KBTBD8: variants seen among roughly 807,000 people sequenced by gnomAD.
KBTBD8 encodes the protein kelch repeat and BTB domain containing 8.
A neutral mutation model predicts 53.5 loss-of-function variants in KBTBD8; 31 were observed. That is an observed-to-expected ratio of 0.58 (90% confidence interval 0.44 to 0.78). KBTBD8 has a LOEUF of 0.78. Among genes scored for constraint, KBTBD8 ranks in the 30% least tolerant of loss-of-function variants. The pLI, the probability that KBTBD8 is intolerant of heterozygous loss-of-function variation, is 0.00. For missense variants in KBTBD8, 642 were observed against 735.8 expected, an observed-to-expected ratio of 0.87 and a Z score of 1.48; for synonymous variants, 250 against 247.3, an observed-to-expected ratio of 1.01 and a Z score of -0.10.
intron 1 of KBTBD8, 26 bp from the exon 2 acceptor site, chr3:66,998,955 T>C: frequency 6.5e-7 from 1 of 1,537,484 alleles, no homozygotes; most frequent in Admixed American, 1.9e-5. Context: ...GCACTTCTTG[T>C]AGTTGTACGA....
chr3:67,009,027 G>A lies in KBTBD8; in HGVS notation c.*642G>A, dbSNP rs1477262906. 4 of 152,572 alleles carry A rather than the reference G, an allele frequency of 2.6e-5. No individual in the cohort carries two copies. The highest frequency in any genetic ancestry group is 6.6e-5 in the Admixed American group (1 of 15,264). The allele number at this position is 152,572 out of a possible 1,614,324, so 9.5% of individuals were successfully genotyped here. A position where few individuals can be genotyped will look rare whatever the true frequency, so the allele number is the denominator to read the frequency against. ...TAAAGTTTTAAAGTGGCAGTTTTCT[G>A]TCGATGACTTTTTCAAGTGCTAACA... On this transcript the variant is annotated 3_prime_UTR_variant, in exon 4 of 4. Coordinates refer to ENST00000417314, the MANE Select transcript of KBTBD8 (RefSeq NM_032505.3).
rs937450093 is a variant in KBTBD8 at position 67,010,140 on chromosome 3, C to T, written c.*1755C>T. ...GTAATCTCTGTATAAACTTTGTCAACATTTTTACCTCCCCAGTTTTATCTT... is the reference window on the plus strand; with the variant it reads ...GTAATCTCTGTATAAACTTTGTCAATATTTTTACCTCCCCAGTTTTATCTT... On this transcript the variant is annotated 3_prime_UTR_variant, in exon 4 of 4. Coordinates refer to ENST00000417314, the MANE Select transcript of KBTBD8 (RefSeq NM_032505.3). The T allele has an allele frequency of 1.3e-5, 2 of 152,542 alleles. No individual in the cohort carries two copies. Among genetic ancestry groups the T allele is most frequent in the Non-Finnish European group, 1.5e-5 (1 of 67,978 alleles). The allele number at this position is 152,542 out of a possible 1,614,324, so 9.4% of individuals were successfully genotyped here. A position where few individuals can be genotyped will look rare whatever the true frequency, so the allele number is the denominator to read the frequency against.
Position 67,009,714 on chromosome 3 carries a change from T to C in KBTBD8, c.*1329T>C, listed in dbSNP as rs946095114. The C allele has an allele frequency of 5.9e-5, 9 of 152,708 alleles. No homozygotes were observed. Among genetic ancestry groups the C allele is most frequent in the African/African-American group, 2.2e-4 (9 of 41,574 alleles). 9.5% of individuals were successfully genotyped at this position (152,708 alleles called of 1,614,324 possible). A position where few individuals can be genotyped will look rare whatever the true frequency, so the allele number is the denominator to read the frequency against. On this transcript the variant is annotated 3_prime_UTR_variant, in exon 4 of 4. Coordinates refer to ENST00000417314, the MANE Select transcript of KBTBD8 (RefSeq NM_032505.3). The stretch of plus-strand genomic sequence containing the variant: ...CAATCATCAGTTAGGAATATTAACA[T>C]GAAGGATAAACCAACTTATTTGTAT...
chr3:67,000,118 C>T (rs1246620390), intron 2 of KBTBD8, among the ~76,000 whole-genome samples: 1 of 152,132 alleles, frequency 6.6e-6, no homozygotes, highest in Non-Finnish European at 1.5e-5. Flanking sequence ...AGGTGCTTAC[C>T]TTTATAGGGC....
intron 1 of KBTBD8, 109 bp downstream of exon 1, chr3:66,998,480 A>C: frequency 1.1e-6 from 1 of 879,824 alleles, no homozygotes; most frequent in Non-Finnish European, 1.6e-6. Context: ...GCTAGAGGGA[A>C]GGATGAAGCG....
chr3:67,006,600 A>G (rs1038734733), intron 3 of KBTBD8, among the ~76,000 whole-genome samples: 5 of 152,198 alleles, frequency 3.3e-5, no homozygotes, highest in African/African-American at 1.2e-4. Context: ...TGTGCGAGCA[A>G]ATCTGGGAGC....
At chr3:66,998,395 G>C in intron 1 of KBTBD8, 24 bp downstream of exon 1, 2 of 1,287,112 alleles carry the variant, frequency 1.6e-6, no homozygotes, top group African/African-American at 1.5e-5. Flanking sequence ...TGGCCAGGGC[G>C]GCGTGGAGGG....
chr3:67,003,226 A>T lies in KBTBD8; in HGVS notation c.259A>T (p.Thr87Ser). 1 of 1,613,826 alleles carries T rather than the reference A, an allele frequency of 6.2e-7. No homozygotes were observed. The highest frequency in any genetic ancestry group is 8.5e-7 in the Non-Finnish European group (1 of 1,179,672). ...GTTCACTAGCGGCCTTACAGAAAGTACTCAAAAAGAAGTTCGAATAGTTGG... is the reference window on the plus strand; with the variant it reads ...GTTCACTAGCGGCCTTACAGAAAGTTCTCAAAAAGAAGTTCGAATAGTTGG... ...SMFTSGLTES[T>S]QKEVRIVGVE... Residue 87 changes from threonine (T) to serine (S), a missense_variant, in exon 3 of 4, where the codon ACT becomes TCT. Thr to Ser is a moderately conservative substitution (Grantham distance 58). Transcript: ENST00000417314.
rs1434784681 is a variant in KBTBD8, at chr3:67,010,892, T to TAAC, written c.*2508_*2510dup. On this transcript the variant is annotated 3_prime_UTR_variant, in exon 4 of 4. Coordinates refer to ENST00000417314, the MANE Select transcript of KBTBD8 (RefSeq NM_032505.3). The stretch of plus-strand genomic sequence containing the variant: ...CACACATTGAAAACTGGACTGGGTA[T>TAAC]AACTATGTTATAGGAAAGTAGAAAT... 2.0e-5 allele frequency: 3 copies of TAAC among 152,778 alleles called. No homozygotes were observed. Among genetic ancestry groups the TAAC allele is most frequent in the East Asian group, 3.9e-4 (2 of 5,192 alleles). 9.5% of individuals were successfully genotyped at this position (152,778 alleles called of 1,614,324 possible).
rs1437824446 is a variant in KBTBD8 at position 67,009,366 on chromosome 3, C to T, written c.*981C>T. ...GTAGCCCAACCTTCTCTTCCATCTA[C>T]CTGTCCATTCATTATTGGTACAAGG... On this transcript the variant is annotated 3_prime_UTR_variant, in exon 4 of 4. Coordinates refer to ENST00000417314, the MANE Select transcript of KBTBD8 (RefSeq NM_032505.3). 1 of 152,602 alleles carries T rather than the reference C, an allele frequency of 6.6e-6. No homozygotes were observed. The highest frequency in any genetic ancestry group is 2.4e-5 in the African/African-American group (1 of 41,444). 9.5% of individuals were successfully genotyped at this position (152,602 alleles called of 1,614,324 possible). A position where few individuals can be genotyped will look rare whatever the true frequency, so the allele number is the denominator to read the frequency against.
rs1244026758 is a variant in KBTBD8 at position 67,004,111 on chromosome 3, G to C, written c.1144G>C (p.Gly382Arg). 7.4e-6 allele frequency: 12 copies of C among 1,614,042 alleles called. No individual in the cohort carries two copies. In the African/African-American group the frequency reaches 1.6e-4, roughly 22 times the overall value. Residue 382 changes from glycine (G) to arginine (R), a missense_variant, in exon 3 of 4, where the codon GGC (glycine) becomes CGC (arginine). Coordinates refer to ENST00000417314, the MANE Select transcript of KBTBD8 (RefSeq NM_032505.3). ...SKPSLLRARI[G>R]CKLVYCCGKM... ...ACCATCCTTGCTTCGAGCCAGAATAGGCTGCAAACTTGTCTATTGCTGTGG... is the reference window on the plus strand; with the variant it reads ...ACCATCCTTGCTTCGAGCCAGAATACGCTGCAAACTTGTCTATTGCTGTGG...
At chr3:67,000,016 A>C (rs907054594) in intron 2 of KBTBD8, among the ~76,000 whole-genome samples, 7 of 152,228 alleles carry the variant, frequency 4.6e-5, no homozygotes, top group African/African-American at 1.7e-4. Context: ...TTTTGTGTCA[A>C]ATGCTCACTT....
intron 3 of KBTBD8, among the ~76,000 whole-genome samples, chr3:67,006,617 A>C (rs887369924): frequency 6.6e-6 from 1 of 152,212 alleles, no homozygotes; most frequent in Non-Finnish European, 1.5e-5. Flanking sequence ...GAGCTTTACA[A>C]GCTATTTTAA....
rs192823229 is a variant in KBTBD8 at position 67,004,065 on chromosome 3, C to T, written c.1098C>T (p.Ser366=). ...AENDFWMYDH[S]TNRWLSKPSL... ...ATGATTTCTGGATGTATGATCATTC[C>T]ACCAATAGATGGCTATCCAAACCAT... is the stretch of plus-strand genomic sequence containing the variant. Residue 366 remains serine, a synonymous_variant, in exon 3 of 4, where the codon TCC becomes TCT. Coordinates refer to ENST00000417314, the MANE Select transcript of KBTBD8 (RefSeq NM_032505.3). The T allele has an allele frequency of 3.1e-6, 5 of 1,614,156 alleles. No homozygotes were observed. The East Asian group carries it at 1.1e-4, about 36-fold the overall frequency.
Position 67,003,649 on chromosome 3 carries a change from A to G in KBTBD8, c.682A>G (p.Arg228Gly). 1.2e-6 allele frequency: 2 copies of G among 1,614,148 alleles called. No homozygotes were observed. Among genetic ancestry groups the G allele is most frequent in the Non-Finnish European group, 1.7e-6 (2 of 1,180,012 alleles). The change falls in exon 3 of 4, where the codon AGA becomes GGA. Residue 228 changes from arginine to glycine, a missense_variant. Coordinates refer to ENST00000417314, the MANE Select transcript of KBTBD8 (RefSeq NM_032505.3). ...IRWFEHEQNE[R>G]EVHLPEIFAK... The stretch of plus-strand genomic sequence containing the variant: ...GTGGTTTGAGCATGAACAGAATGAA[A>G]GAGAAGTGCACCTTCCAGAAATTTT...
chr3:66,998,561 G>C (rs887486281), intron 1 of KBTBD8, among the ~76,000 whole-genome samples, 190 bp downstream of exon 1: 9 of 152,160 alleles, frequency 5.9e-5, no homozygotes, highest in Non-Finnish European at 2.9e-5. Flanking sequence ...GACCGGGATG[G>C]GGAGGCTGGG....
In KBTBD8 at chr3:67,003,681, A is replaced by G. The variant is rs1702037855; in HGVS notation, c.714A>G (p.Lys238=). Residue 238 remains lysine, a synonymous_variant, in exon 3 of 4, where the codon AAA becomes AAG. Transcript: ENST00000417314. ...REVHLPEIFA[K]CIRFPLMEDT... ...TGCACCTTCCAGAAATTTTTGCTAA[A>G]TGCATACGTTTTCCTCTGATGGAAG... 6.2e-7 allele frequency: 1 copy of G among 1,614,066 alleles called. No homozygotes were observed. Among genetic ancestry groups the G allele is most frequent in the Non-Finnish European group, 8.5e-7 (1 of 1,180,040 alleles).
At chr3:67,004,922 C>G (rs1702051602) in intron 3 of KBTBD8, among the ~76,000 whole-genome samples, 1 of 152,102 alleles carries the variant, frequency 6.6e-6, no homozygotes, top group African/African-American at 2.4e-5. Flanking sequence ...CAATTTTTTT[C>G]ACCGGAAAAC....
Position 67,003,976 on chromosome 3 carries a change from A to G in KBTBD8, c.1009A>G (p.Ile337Val), listed in dbSNP as rs1702041380. The G allele has an allele frequency of 6.2e-7, 1 of 1,614,040 alleles. No individual in the cohort carries two copies. Among genetic ancestry groups the G allele is most frequent in the Non-Finnish European group, 8.5e-7 (1 of 1,180,032 alleles). The change falls in exon 3 of 4, where the codon ATT (isoleucine) becomes GTT (valine). Residue 337 changes from isoleucine (I) to valine (V), a missense_variant. Coordinates refer to ENST00000417314, the MANE Select transcript of KBTBD8 (RefSeq NM_032505.3). Reference sequence around the variant, plus strand: ...GATTCTTGTATCACCAGATAATGACATTTACATTGCAGGAGGGTACAGGCC... The same window carrying G: ...GATTCTTGTATCACCAGATAATGACGTTTACATTGCAGGAGGGTACAGGCC... ...VGILVSPDND[I>V]YIAGGYRPSS...
Sources: gnomAD v4.1 joint callset for allele counts (sites outside exome capture counted in the v4.1 genomes callset) on GRCh38, gnomAD v4.1.1 for gene constraint, MANE v1.5 for transcripts, NCBI Gene and HGNC (gene_info 2026-07-23, HGNC 2026-07-21) for gene names.